ERBB4: variants seen among roughly 807,000 people sequenced by gnomAD.
ERBB4 encodes receptor tyrosine-protein kinase erbB-4.
A neutral mutation model predicts 158.0 loss-of-function variants in ERBB4; 42 were observed. The observed-to-expected ratio is 0.27, with a 90% confidence interval of 0.21 to 0.34. The LOEUF (loss-of-function observed/expected upper bound fraction) is 0.34. Ranked by LOEUF, ERBB4 falls within the 10% of genes least tolerant of loss-of-function variation. The pLI is 1.00. For missense variants in ERBB4, 1,333 were observed against 1,624.1 expected (o/e 0.82, Z 3.08); for synonymous variants, 583 against 558.7 (o/e 1.04, Z -0.61).
chr2:212,009,992 T>G (rs1372418568), intron 2 of ERBB4, among the ~76,000 whole-genome samples: 3 of 152,220 alleles, frequency 2.0e-5, no homozygotes, highest in African/African-American at 4.8e-5. Context: ...TTTCCATAAC[T>G]TCCGTTTTAA....
chr2:211,416,071 C>G (rs1231501640), intron 25 of ERBB4, among the ~76,000 whole-genome samples: 2 of 152,102 alleles, frequency 1.3e-5, no homozygotes, highest in African/African-American at 2.4e-5. Flanking sequence ...GACAGAGGAG[C>G]ATTTAATCTT....
chr2:211,821,186 A>G (rs1026857729), intron 3 of ERBB4, among the ~76,000 whole-genome samples: 3 of 151,912 alleles, frequency 2.0e-5, no homozygotes, highest in African/African-American at 7.2e-5. Context: ...GACAAACTCA[A>G]TAAAGTTGCA....
At chr2:211,937,557 T>G in intron 3 of ERBB4, among the ~76,000 whole-genome samples, 1 of 152,106 alleles carries the variant, frequency 6.6e-6, no homozygotes, top group East Asian at 1.9e-4. Context: ...TTTAATTGAC[T>G]CACAGTTCAG....
chr2:211,744,974 T>G (rs975788762), intron 5 of ERBB4, among the ~76,000 whole-genome samples: 4 of 152,244 alleles, frequency 2.6e-5, no homozygotes, highest in African/African-American at 7.2e-5. Context: ...AAATAACATC[T>G]GATTGTATCT....
intron 1 of ERBB4, among the ~76,000 whole-genome samples, chr2:212,536,875 C>A (rs2106359568): frequency 6.6e-6 from 1 of 152,184 alleles, no homozygotes; most frequent in South Asian, 2.1e-4. Context: ...TGTGCATAAT[C>A]AACCCATTGA....
chr2:212,341,997 A>C (rs2088741996), intron 1 of ERBB4, among the ~76,000 whole-genome samples: 1 of 152,152 alleles, frequency 6.6e-6, no homozygotes, highest in South Asian at 2.1e-4. Context: ...GGTGGTTCAG[A>C]CCTGTAATCC....
chr2:211,853,490 A>G (rs1427181361), intron 3 of ERBB4, among the ~76,000 whole-genome samples: 6 of 152,052 alleles, frequency 3.9e-5, no homozygotes, highest in Non-Finnish European at 7.4e-5. Context: ...GATTCAGACC[A>G]TTACTCTGTT....
At chr2:212,049,178 T>C (rs969341423) in intron 2 of ERBB4, among the ~76,000 whole-genome samples, 7 of 152,230 alleles carry the variant, frequency 4.6e-5, no homozygotes, top group South Asian at 2.1e-4. Context: ...CTTTCCTTGT[T>C]TACATTCTTT....
At chr2:211,389,027 C>CTTGTTTGT (rs111695175) in intron 25 of ERBB4, among the ~76,000 whole-genome samples, 1 of 151,894 alleles carries the variant, frequency 6.6e-6, no homozygotes, top group African/African-American at 2.4e-5. Flanking sequence ...TACCTTACAT[C>CTTGTTTGT]TTGTTTGTTT....
At chr2:211,754,804 G>A (rs13032058) in intron 4 of ERBB4, among the ~76,000 whole-genome samples, 46,686 of 151,452 alleles carry the variant, frequency 0.31, 7,288 homozygotes, top group South Asian at 0.44. Flanking sequence ...AGGTTCAAGC[G>A]ATTCTCCTGC....
Position 211,889,178 on chromosome 2 carries a change from C to G in ERBB4, c.421+58252G>C, listed in dbSNP as rs1443222141. On this transcript the variant is annotated intron_variant, in intron 3 of 27. Coordinates refer to ENST00000342788, the MANE Select transcript of ERBB4 (RefSeq NM_005235.3). ...GACAGCTTTGAAGAGAGCAGTGGTT[C>G]TCCCAGCACGCAGCTGGAGATCTGA... 1.7e-4 allele frequency among the ~76,000 whole-genome samples: 24 copies of G among 143,874 alleles called. 1 individual carries two copies. The highest frequency in any genetic ancestry group is 7.8e-4 in the East Asian group (4 of 5,150). The allele number at this position is 143,874 out of a possible 152,430, so 94.4% of individuals were successfully genotyped here.
chr2:212,052,147 G>C (rs2077416444), intron 2 of ERBB4, among the ~76,000 whole-genome samples: 1 of 152,216 alleles, frequency 6.6e-6, no homozygotes, highest in African/African-American at 2.4e-5. Context: ...AAAGCAGGCA[G>C]AAGAAGGTAG....
chr2:211,510,045 A>G (rs891860181), intron 20 of ERBB4, among the ~76,000 whole-genome samples: 2 of 152,146 alleles, frequency 1.3e-5, no homozygotes, highest in African/African-American at 2.4e-5. Flanking sequence ...GGTTTCTCAA[A>G]TAACTAAAAA....
intron 19 of ERBB4, among the ~76,000 whole-genome samples, chr2:211,607,485 C>T (rs892515832): frequency 6.6e-6 from 1 of 152,142 alleles, no homozygotes; most frequent in Non-Finnish European, 1.5e-5. Context: ...GATCAAAACC[C>T]TAGATAAAGT....
intron 3 of ERBB4, among the ~76,000 whole-genome samples, chr2:211,855,502 A>G (rs544332065): frequency 1.3e-5 from 2 of 152,210 alleles, no homozygotes; most frequent in South Asian, 4.2e-4. Context: ...ATTTTTGTCT[A>G]TGGTGTGAGA....
intron 3 of ERBB4, among the ~76,000 whole-genome samples, chr2:211,866,813 T>C (rs933330136): frequency 5.3e-5 from 8 of 152,102 alleles, no homozygotes; most frequent in East Asian, 3.9e-4. Context: ...TGATTACAAA[T>C]ACATTGACCT....
chr2:211,973,949 A>G (rs940600883), intron 2 of ERBB4, among the ~76,000 whole-genome samples: 1 of 152,206 alleles, frequency 6.6e-6, no homozygotes, highest in African/African-American at 2.4e-5. Context: ...ATTAAGCTGG[A>G]AGCTATCATC....
At chr2:211,528,174 G>A (rs977802777) in intron 20 of ERBB4, among the ~76,000 whole-genome samples, 2 of 151,912 alleles carry the variant, frequency 1.3e-5, no homozygotes, top group African/African-American at 4.8e-5. Context: ...GATATTCCAT[G>A]CCAATGGAAA....
chr2:211,635,438 A>G (rs962656018), intron 16 of ERBB4, among the ~76,000 whole-genome samples: 1 of 152,178 alleles, frequency 6.6e-6, no homozygotes, highest in Admixed American at 6.5e-5. Flanking sequence ...GCATCTTTCC[A>G]AGCTATATTA....
Sources: allele counts gnomAD v4.1 joint callset (sites outside exome capture counted in the v4.1 genomes callset), GRCh38; gene constraint gnomAD v4.1.1; transcripts MANE v1.5; gene names NCBI Gene and HGNC (gene_info 2026-07-23, HGNC 2026-07-21).